Variants in ITGAX observed in about 807,000 individuals in gnomAD.
The protein encoded by ITGAX is integrin alpha-X.
A neutral mutation model predicts 140.2 loss-of-function variants in ITGAX; 99 were observed. That is an observed-to-expected ratio of 0.71 (90% confidence interval 0.60 to 0.83). The LOEUF (loss-of-function observed/expected upper bound fraction) is 0.83. Among genes scored for constraint, ITGAX ranks in the 40% least tolerant of loss-of-function variants. ITGAX has a pLI of 0.00. For synonymous variants in ITGAX, 631 were observed against 600.4 expected (o/e 1.05, Z -0.75); for missense variants, 1,444 against 1,482.0 (o/e 0.97, Z 0.42).
In ITGAX at chr16:31,372,592, C is replaced by T. The variant is rs771106198; in HGVS notation, c.2293-5C>T. On this transcript the variant is annotated splice_polypyrimidine_tract_variant and splice_region_variant and intron_variant, in intron 18 of 29. Coordinates refer to ENST00000268296, the MANE Select transcript of ITGAX (RefSeq NM_000887.5). ...GAGAAAACCCCCCGTTGCCTTCCCA[C>T]GCAGCTACCCTTTGAGAAGAACTGT... is the stretch of plus-strand genomic sequence containing the variant. 52 of 1,614,026 alleles carry T rather than the reference C, an allele frequency of 3.2e-5. No individual in the cohort carries two copies. The highest frequency in any genetic ancestry group is 1.6e-4 in the Middle Eastern group (1 of 6,084).
At position 31,359,757 on chromosome 16, in the gene ITGAX, C is replaced by A. The variant is rs2080801039; in HGVS notation, c.488C>A (p.Ser163Tyr). The change falls in exon 6 of 30, where the codon TCC becomes TAC. Residue 163 changes from serine to tyrosine, a missense_variant. Transcript: ENST00000268296. ...CTGATCGATGGCTCAGGCAGCATCT[C>A]CTCCCGCAACTTTGCCACGATGATG... ...VFLIDGSGSI[S>Y]SRNFATMMNF... The A allele has an allele frequency of 4.3e-6, 7 of 1,614,164 alleles. No individual in the cohort carries two copies. Among genetic ancestry groups the A allele is most frequent in the Non-Finnish European group, 5.9e-6 (7 of 1,180,032 alleles).
intron 2 of ITGAX, 161 bp downstream of exon 2, chr16:31,356,159 A>C: frequency 1.7e-6 from 1 of 572,018 alleles, no homozygotes; most frequent in Non-Finnish European, 3.1e-6. Flanking sequence ...GCACGGTCTC[A>C]CAGCTAACAT....
chr16:31,371,319 G>A lies in ITGAX; in HGVS notation c.1842-15G>A, dbSNP rs1326819040. On this transcript the variant is annotated splice_polypyrimidine_tract_variant and intron_variant, in intron 15 of 29. Coordinates refer to ENST00000268296, the MANE Select transcript of ITGAX (RefSeq NM_000887.5). Reference sequence around the variant, plus strand: ...GAGCCGACGGCCTGTCCTCAGCTCGGTGCTCTGCCCGCAGGACCAGACCTG... The same window carrying A: ...GAGCCGACGGCCTGTCCTCAGCTCGATGCTCTGCCCGCAGGACCAGACCTG... The A allele has an allele frequency of 1.9e-6, 3 of 1,613,436 alleles. No homozygotes were observed. The highest frequency in any genetic ancestry group is 3.3e-5 in the Admixed American group (2 of 60,000).
At chr16:31,377,318 A>T (rs995608787) in intron 23 of ITGAX, 53 bp downstream of exon 23, 1 of 1,321,216 alleles carries the variant, frequency 7.6e-7, no homozygotes, top group Non-Finnish European at 1.0e-6. Flanking sequence ...GACCTCAAAA[A>T]GAAAAAAAAA....
chr16:31,359,331 A>G (rs1386373363), intron 5 of ITGAX, among the ~76,000 whole-genome samples: 1 of 151,686 alleles, frequency 6.6e-6, no homozygotes, highest in Non-Finnish European at 1.5e-5. Context: ...ACACCCACCT[A>G]ATTTTTGTAT....
rs1171529978 is a variant in ITGAX, at chr16:31,362,682, A to C, written c.1288A>C (p.Thr430Pro). ...CCTGGGGGCCCCCCGCTACCAGCAC[A>C]CCGGGAAGGCTGTCATCTTCACCCA... ...LVLGAPRYQHTGKAVIFTQVS... is the reference protein window; with the variant it reads ...LVLGAPRYQHPGKAVIFTQVS... Residue 430 changes from threonine to proline, a missense_variant, in exon 12 of 30, where the codon ACC becomes CCC. Physicochemically the swap from Thr to Pro is conservative, Grantham distance 38 (BLOSUM62 -1). Coordinates refer to ENST00000268296, the MANE Select transcript of ITGAX (RefSeq NM_000887.5). The C allele has an allele frequency of 6.2e-7, 1 of 1,613,682 alleles. No individual in the cohort carries two copies. Among genetic ancestry groups the C allele is most frequent in the African/African-American group, 1.3e-5 (1 of 74,852 alleles).
At chr16:31,376,371 A>G (rs2081019069) in intron 20 of ITGAX, among the ~76,000 whole-genome samples, 1 of 152,164 alleles carries the variant, frequency 6.6e-6, no homozygotes, top group Non-Finnish European at 1.5e-5. Context: ...CTGTAATCCT[A>G]GTGTTTTGGG....
In ITGAX at chr16:31,370,994, G is replaced by A. The variant is rs2080950356; in HGVS notation, c.1711-90G>A. 7.1e-6 allele frequency: 11 copies of A among 1,545,778 alleles called. No homozygotes were observed. In the Admixed American group the frequency reaches 1.7e-4, roughly 24 times the overall value. On this transcript the variant is annotated intron_variant, in intron 14 of 29. Coordinates refer to ENST00000268296, the MANE Select transcript of ITGAX (RefSeq NM_000887.5). Reference sequence around the variant, plus strand: ...CAACTCACCCCTTCTCTCCCTTTCCGATGGTCCTACCTCCATATTCCCCTT... The same window carrying A: ...CAACTCACCCCTTCTCTCCCTTTCCAATGGTCCTACCTCCATATTCCCCTT...
chr16:31,367,226 T>C (rs954805597), intron 14 of ITGAX, among the ~76,000 whole-genome samples: 4 of 152,068 alleles, frequency 2.6e-5, no homozygotes, highest in Non-Finnish European at 5.9e-5. Flanking sequence ...CTCCACAACA[T>C]AAAAGTACAA....
intron 20 of ITGAX, 85 bp downstream of exon 20, chr16:31,373,475 A>G (rs2080992795): frequency 1.4e-6 from 2 of 1,417,676 alleles, no homozygotes; most frequent in Non-Finnish European, 1.9e-6. Flanking sequence ...CTGGGCTTGG[A>G]GGTGGTAGTG....
intron 5 of ITGAX, 198 bp downstream of exon 5, chr16:31,357,562 C>A (rs1393913290): frequency 1.1e-5 from 6 of 564,958 alleles, no homozygotes; most frequent in Non-Finnish European, 3.1e-6. Context: ...TTTCCTGTGA[C>A]CTTAACCTCT....
At chr16:31,363,129 G>T (rs1253244072) in intron 13 of ITGAX, 36 bp from the exon 14 acceptor site, 19 of 1,606,430 alleles carry the variant, frequency 1.2e-5, no homozygotes, top group Non-Finnish European at 1.5e-5. Context: ...TGGAGGGGTT[G>T]CCCGGGTTGG....
In ITGAX at chr16:31,355,970, G is replaced by A. The variant is rs953556312; in HGVS notation, c.115G>A (p.Asp39Asn). The A allele has an allele frequency of 9.9e-6, 16 of 1,613,522 alleles. No homozygotes were observed. Among genetic ancestry groups the A allele is most frequent in the African/African-American group, 1.3e-5 (1 of 74,928 alleles). The part of the protein sequence containing the change: ...AFRVDSAGFG[D>N]SVVQYANSWV... The stretch of plus-strand genomic sequence containing the variant: ...CCGTGTGGACAGCGCTGGGTTTGGA[G>A]ACAGCGTGGTCCAGTATGCCAACTC... The change falls in exon 2 of 30, where the codon GAC becomes AAC. Residue 39 changes from aspartate (D) to asparagine (N), a missense_variant. Coordinates refer to ENST00000268296, the MANE Select transcript of ITGAX (RefSeq NM_000887.5).
intron 14 of ITGAX, among the ~76,000 whole-genome samples, chr16:31,366,820 A>G (rs533134331): frequency 6.6e-6 from 1 of 152,296 alleles, no homozygotes; most frequent in African/African-American, 2.4e-5. Flanking sequence ...CTGGCCACAT[A>G]TCTCTCACTT....
intron 16 of ITGAX, 53 bp from the exon 17 acceptor site, chr16:31,371,577 A>C: frequency 6.2e-7 from 1 of 1,610,880 alleles, no homozygotes; most frequent in Non-Finnish European, 8.5e-7. Flanking sequence ...CACCCTGCTC[A>C]TTGTCCACCC....
intron 12 of ITGAX, 77 bp from the exon 13 acceptor site, chr16:31,362,858 C>G: frequency 6.2e-7 from 1 of 1,606,498 alleles, no homozygotes; most frequent in Admixed American, 1.7e-5. Context: ...GTCCTGGTAC[C>G]TGGGGAGAGG....
At chr16:31,363,115 T>C (rs1671328526) in intron 13 of ITGAX, 40 bp downstream of exon 13, 2 of 1,602,566 alleles carry the variant, frequency 1.2e-6, no homozygotes, top group Non-Finnish European at 8.5e-7. Flanking sequence ...GGGTCTGGTG[T>C]GGGTGGAGGG....
At position 31,357,250 on chromosome 16, in the gene ITGAX, C is replaced by A; in HGVS notation, c.319-3C>A. The A allele has an allele frequency of 6.3e-7, 1 of 1,598,982 alleles. No individual in the cohort carries two copies. Among genetic ancestry groups the A allele is most frequent in the East Asian group, 2.3e-5 (1 of 44,038 alleles). On this transcript the variant is annotated splice_region_variant and splice_polypyrimidine_tract_variant and intron_variant, in intron 4 of 29. Transcript: ENST00000268296. Reference sequence around the variant, plus strand: ...GCCCCCCAGCAGCCCGCTGTGTCCCCAGGCCTGCGGCCCCACCGTGCACCA... The same window carrying A: ...GCCCCCCAGCAGCCCGCTGTGTCCCAAGGCCTGCGGCCCCACCGTGCACCA...
At position 31,357,267 on chromosome 16, in the gene ITGAX, C is replaced by G. The variant is rs761480055; in HGVS notation, c.333C>G (p.Thr111=). 18 of 1,605,306 alleles carry G rather than the reference C, an allele frequency of 1.1e-5. No homozygotes were observed. In the Admixed American group the frequency reaches 2.5e-4, roughly 23 times the overall value. The change falls in exon 5 of 30, where the codon ACC becomes ACG. Residue 111 remains threonine (T), a synonymous_variant. Coordinates refer to ENST00000268296, the MANE Select transcript of ITGAX (RefSeq NM_000887.5). ...SPSQLLACGP[T]VHHECGRNMY... is the part of the protein sequence containing the mutation. ...TGTGTCCCCAGGCCTGCGGCCCCACCGTGCACCACGAGTGCGGGAGGAACA... is the reference window on the plus strand; with the variant it reads ...TGTGTCCCCAGGCCTGCGGCCCCACGGTGCACCACGAGTGCGGGAGGAACA...
Sources: gnomAD v4.1 joint callset for allele counts (sites outside exome capture counted in the v4.1 genomes callset) on GRCh38, gnomAD v4.1.1 for gene constraint, MANE v1.5 for transcripts, NCBI Gene and HGNC (gene_info 2026-07-23, HGNC 2026-07-21) for gene names.